The following GPR19 variants were observed in gnomAD, a reference collection of about 807,000 sequenced individuals.
GPR19 encodes probable G protein-coupled receptor 19.
In GPR19, 14 loss-of-function variants were observed where a neutral mutation model predicts 28.5. The observed-to-expected ratio is 0.49, with a 90% CI of 0.32 to 0.77. GPR19 has a LOEUF of 0.77. GPR19 is among the 30% of genes least tolerant of loss of function. The probability of loss-of-function intolerance (pLI) is 0.03; values close to 1 mark genes in which losing one functional copy is unlikely to be tolerated. For missense variants in GPR19, 409 were observed against 504.1 expected, an observed-to-expected ratio of 0.81 and a Z score of 1.81; for synonymous variants, 173 against 184.1, an observed-to-expected ratio of 0.94 and a Z score of 0.49.
chr12:12,679,917 A>G (rs1278929487), intron 3 of GPR19, among the ~76,000 whole-genome samples: 2 of 152,190 alleles, frequency 1.3e-5, no homozygotes, highest in Non-Finnish European at 2.9e-5. Flanking sequence ...TTTCTATGAT[A>G]ATAAAATAAA....
chr12:12,664,931 AAAAAAAAAAAAAAAAG>A (rs1235921715), intron 3 of GPR19, among the ~76,000 whole-genome samples: 1 of 145,856 alleles, frequency 6.9e-6, no homozygotes, highest in Non-Finnish European at 1.5e-5. Flanking sequence ...AAAAAAAAAA[AAAAAAAAAAAAAAAAG>A]AAATCAGGAC....
chr12:12,681,691 A>C (rs1050975354), intron 3 of GPR19, among the ~76,000 whole-genome samples: 3 of 152,222 alleles, frequency 2.0e-5, no homozygotes, highest in Non-Finnish European at 4.4e-5. Flanking sequence ...GTTTGAGGTG[A>C]GCAGCATGAG....
rs755720856 is a variant in GPR19, at chr12:12,662,149, G to A, written c.300C>T (p.Thr100=). The part of the protein sequence containing the change: ...IHRSRRTQST[T]NYFVVSMACA... ...ATGCCATGGAGACCACAAAGTAGTT[G>A]GTGGTAGACTGAGTCCTCCTACTCC... Residue 100 remains threonine (T), a synonymous_variant, in exon 4 of 4, where the codon ACC becomes ACT. Coordinates refer to ENST00000651487, the MANE Select transcript of GPR19 (RefSeq NM_006143.3). 6.2e-7 allele frequency: 1 copy of A among 1,613,996 alleles called. No homozygotes were observed. The highest frequency in any genetic ancestry group is 1.7e-5 in the Admixed American group (1 of 60,032).
chr12:12,693,654 A>C (rs868639651), intron 2 of GPR19, among the ~76,000 whole-genome samples: 6 of 152,314 alleles, frequency 3.9e-5, no homozygotes, highest in Middle Eastern at 3.4e-3. Flanking sequence ...TCCTGAATAG[A>C]GCTCATGATG....
the GPR19 span, among the ~76,000 whole-genome samples, chr12:12,708,039 G>A: frequency 1.8e-4 from 21 of 114,594 alleles, no homozygotes; most frequent in East Asian, 2.2e-3. Flanking sequence ...TAGCTCTGTC[G>A]CCCAGGCTGG....
intron 2 of GPR19, among the ~76,000 whole-genome samples, chr12:12,693,216 T>C (rs1946211743): frequency 6.6e-6 from 1 of 152,164 alleles, no homozygotes; most frequent in South Asian, 2.1e-4. Flanking sequence ...CATCTGTTAA[T>C]AATAACAAAA....
At chr12:12,681,054 T>C (rs1373400416) in intron 3 of GPR19, among the ~76,000 whole-genome samples, 4 of 152,174 alleles carry the variant, frequency 2.6e-5, no homozygotes, top group South Asian at 4.1e-4. Flanking sequence ...CGCCTTAGCC[T>C]CCCAAAGTGC....
chr12:12,676,505 A>G (rs561315699), intron 3 of GPR19, among the ~76,000 whole-genome samples: 45 of 152,304 alleles, frequency 3.0e-4, no homozygotes, highest in African/African-American at 1.0e-3. Context: ...AGTTTTTGAT[A>G]TCAAGGATCA....
the GPR19 span, chr12:12,717,189 ACCAG>A: frequency 9.6e-7 from 1 of 1,045,542 alleles, no homozygotes; most frequent in Non-Finnish European, 1.2e-6. Flanking sequence ...CAGTCACGCG[ACCAG>A]CCAATCTCCC....
At chr12:12,695,354 T>G (rs886333462) in intron 2 of GPR19, 105 bp downstream of exon 2, 1 of 152,232 alleles carries the variant, frequency 6.6e-6, no homozygotes, top group Admixed American at 6.5e-5. Flanking sequence ...TTTCATTCCA[T>G]GAAATCCACA....
the GPR19 span, among the ~76,000 whole-genome samples, chr12:12,707,989 C>CTTTTTTTTTTT: frequency 3.2e-5 from 2 of 62,442 alleles, no homozygotes; most frequent in Admixed American, 2.5e-4. Context: ...ATTTCCTATT[C>CTTTTTTTTTTT]TTTTTTTTTT....
At chr12:12,677,677 C>T (rs916748180) in intron 3 of GPR19, among the ~76,000 whole-genome samples, 5 of 152,160 alleles carry the variant, frequency 3.3e-5, no homozygotes, top group Non-Finnish European at 7.3e-5. Flanking sequence ...ATATATTTCA[C>T]ATGGATAATA....
upstream of GPR19, among the ~76,000 whole-genome samples, chr12:12,699,440 G>A (rs1946303116): frequency 6.8e-6 from 1 of 147,500 alleles, no homozygotes; most frequent in South Asian, 2.2e-4. Context: ...TTTTAGCTCT[G>A]CACTCAGGTC....
rs370359593 is a variant in GPR19, at chr12:12,661,185, T to C, written c.*16A>G. On this transcript the variant is annotated 3_prime_UTR_variant, in exon 4 of 4. Transcript: ENST00000651487. This position sits in a 1 kb window ranked among gnomAD's most constrained non-coding sequence, Gnocchi z 4.2. The stretch of plus-strand genomic sequence containing the variant: ...CTTTTTAATCTCTGGTGCATAACAA[T>C]TGAAAGAATGAGAACTTAGACAAAA... 1.9e-6 allele frequency: 3 copies of C among 1,567,048 alleles called. No homozygotes were observed. The highest frequency in any genetic ancestry group is 1.2e-5 in the South Asian group (1 of 85,290).
chr12:12,691,173 T>G (rs1423347418), intron 2 of GPR19, among the ~76,000 whole-genome samples: 1 of 151,330 alleles, frequency 6.6e-6, no homozygotes, highest in Non-Finnish European at 1.5e-5. Context: ...TAAAATAAAA[T>G]AAAATAAAAA....
At chr12:12,662,573 G>A in intron 3 of GPR19, 103 bp from the exon 4 acceptor site, 9 of 907,952 alleles carry the variant, frequency 9.9e-6, no homozygotes, top group Non-Finnish European at 1.2e-5. Flanking sequence ...TACATTGATT[G>A]TCATTTGTCT....
chr12:12,662,298 T>G lies in GPR19; in HGVS notation c.151A>C (p.Ser51Arg). The change falls in exon 4 of 4, where the codon AGC (serine) becomes CGC (arginine). Residue 51 changes from serine to arginine, a missense_variant. Physicochemically the swap from Ser to Arg is moderately radical, Grantham distance 110. Coordinates refer to ENST00000651487, the MANE Select transcript of GPR19 (RefSeq NM_006143.3). ...ACATAGTGAAGGTCTGTTTGGTTGC[T>G]CATCCAACTGTGCTCCTCACTTAAT... ...MELSEEHSWM[S>R]NQTDLHYVLK... 1 of 1,614,210 alleles carries G rather than the reference T, an allele frequency of 6.2e-7. No individual in the cohort carries two copies. Among genetic ancestry groups the G allele is most frequent in the Non-Finnish European group, 8.5e-7 (1 of 1,180,024 alleles).
intron 3 of GPR19, chr12:12,668,904 GA>G (rs1265317962): frequency 1.3e-5 from 2 of 152,102 alleles, no homozygotes; most frequent in Non-Finnish European, 2.9e-5. Flanking sequence ...TTTTACAAAT[GA>G]AAAAAACTGA....
intron 2 of GPR19, among the ~76,000 whole-genome samples, chr12:12,694,079 C>A (rs1368136935): frequency 6.6e-6 from 1 of 151,640 alleles, no homozygotes; most frequent in Non-Finnish European, 1.5e-5. Context: ...GATGTCTGGG[C>A]TCCACTCGCA....
Sources: allele counts gnomAD v4.1 joint callset (sites outside exome capture counted in the v4.1 genomes callset), GRCh38; gene constraint gnomAD v4.1.1; non-coding constraint Gnocchi (gnomAD v3.1); transcripts MANE v1.5; gene names NCBI Gene and HGNC (gene_info 2026-07-23, HGNC 2026-07-21).